The following DMD variants were observed in gnomAD, a reference collection of about 807,000 sequenced individuals.
The protein encoded by DMD is dystrophin, also known as mutant dystrophin.
DMD carries 63 observed loss-of-function variants against 330.1 expected under a neutral mutation model. The observed-to-expected ratio is 0.19, with a 90% CI of 0.16 to 0.24. The LOEUF (loss-of-function observed/expected upper bound fraction) is 0.24, where lower values mean the gene tolerates loss of function less well. Ranked by LOEUF, DMD falls within the 10% of genes least tolerant of loss-of-function variation. The pLI is 1.00. For synonymous variants in DMD, 1,223 were observed against 959.8 expected, an observed-to-expected ratio of 1.27 and a Z score of -5.07; for missense variants, 3,344 against 2,684.1, an observed-to-expected ratio of 1.25 and a Z score of -5.43.
At chrX:33,184,745 A>T in intron 1 of DMD, among the ~76,000 whole-genome samples, 1 of 76,324 alleles carries the variant, frequency 1.3e-5, no homozygotes, top group African/African-American at 5.5e-5. Context: ...TTTTTTTGAG[A>T]CAGAGTCTCG....
intron 43 of DMD, among the ~76,000 whole-genome samples, chrX:32,263,482 G>A (rs1467444355): frequency 8.9e-6 from 1 of 112,241 alleles, no homozygotes; most frequent in Non-Finnish European, 1.9e-5. Context: ...TTACTATCAA[G>A]AACTTGGCAA....
chrX:33,272,677 A>AAC (rs1053737774), intron 1 of DMD, among the ~76,000 whole-genome samples: 8 of 104,503 alleles, frequency 7.7e-5, no homozygotes, highest in African/African-American at 1.5e-4. Context: ...AAAAAAAAAA[A>AAC]ACACACACAC....
At chrX:32,623,820 C>A (rs1021827319) in intron 11 of DMD, among the ~76,000 whole-genome samples, 2 of 111,940 alleles carry the variant, frequency 1.8e-5, no homozygotes, top group Non-Finnish European at 3.8e-5. Flanking sequence ...AGCCACCGCA[C>A]CTAGCTACTG....
intron 52 of DMD, among the ~76,000 whole-genome samples, chrX:31,713,962 G>A (rs919193720): frequency 1.8e-5 from 2 of 111,481 alleles, no homozygotes; most frequent in Admixed American, 9.6e-5. Context: ...CACAGCCTCC[G>A]GGAAATGAAT....
rs59279553 is a variant in DMD at position 31,961,740 on chromosome X, G to GTTTTTTTTTT, written c.6614+6589_6614+6598dup. 2.2e-3 allele frequency among the ~76,000 whole-genome samples: 165 copies of GTTTTTTTTTT among 75,547 alleles called. 2 individuals are homozygous for GTTTTTTTTTT. The highest frequency in any genetic ancestry group is 6.8e-3 in the African/African-American group (127 of 18,672). 65.6% of individuals were successfully genotyped at this position (75,547 alleles called of 115,157 possible). A position where few individuals can be genotyped will look rare whatever the true frequency, so the allele number is the denominator to read the frequency against. ...AAAGAGAATTCAACCAAAGGAAGCGGTTTTTTTTTTTTTTTGTCTTGTTTT... is the reference window on the plus strand; with the variant it reads ...AAAGAGAATTCAACCAAAGGAAGCGGTTTTTTTTTTTTTTTTTTTTTTTTTGTCTTGTTTT... On this transcript the variant is annotated intron_variant, in intron 45 of 78. Transcript: ENST00000357033.
At chrX:32,368,314 G>GA (rs1475722057) in intron 34 of DMD, among the ~76,000 whole-genome samples, 3 of 109,880 alleles carry the variant, frequency 2.7e-5, no homozygotes, top group Non-Finnish European at 3.8e-5. Flanking sequence ...TATCATACTA[G>GA]AAAAAAATCA....
At chrX:32,052,225 T>A (rs1356302317) in intron 44 of DMD, among the ~76,000 whole-genome samples, 1 of 110,346 alleles carries the variant, frequency 9.1e-6, no homozygotes, top group African/African-American at 3.3e-5. Flanking sequence ...CACATAAAGA[T>A]ACACTCTTGC....
chrX:32,087,355 C>T (rs1377314441), intron 44 of DMD, among the ~76,000 whole-genome samples: 3 of 111,555 alleles, frequency 2.7e-5, no homozygotes, highest in Non-Finnish European at 5.7e-5. Flanking sequence ...GCTACATAAA[C>T]GTAGCAGAAA....
intron 2 of DMD, among the ~76,000 whole-genome samples, chrX:32,972,235 T>G (rs1209217797): frequency 9.0e-6 from 1 of 111,467 alleles, no homozygotes; most frequent in Non-Finnish European, 1.9e-5. Flanking sequence ...TGGAGTGCGA[T>G]GGTGCAATGA....
At chrX:32,798,702 T>A (rs750834761) in intron 7 of DMD, among the ~76,000 whole-genome samples, 1 of 111,927 alleles carries the variant, frequency 8.9e-6, no homozygotes, top group African/African-American at 3.2e-5. Context: ...GGATTTCTAG[T>A]TGAAATACCG....
intron 1 of DMD, among the ~76,000 whole-genome samples, chrX:33,120,165 G>T (rs750377502): frequency 4.0e-4 from 45 of 112,202 alleles, no homozygotes; most frequent in African/African-American, 1.4e-3. Flanking sequence ...CTGAGGCAAG[G>T]ATTTGAGGTG....
At chrX:33,079,114 T>C (rs975009975) in intron 1 of DMD, among the ~76,000 whole-genome samples, 4 of 111,566 alleles carry the variant, frequency 3.6e-5, no homozygotes, top group African/African-American at 1.3e-4. Flanking sequence ...CACCGCAACC[T>C]CCGCCTCCTA....
At chrX:31,251,088 CA>C (rs201186315) in intron 63 of DMD, among the ~76,000 whole-genome samples, 10 of 103,520 alleles carry the variant, frequency 9.7e-5, no homozygotes, top group East Asian at 3.0e-4. Flanking sequence ...CTCAAAAAAA[CA>C]AAAAAAAAAA....
intron 1 of DMD, among the ~76,000 whole-genome samples, chrX:33,323,873 T>C (rs981590048): frequency 1.4e-4 from 16 of 111,071 alleles, no homozygotes; most frequent in African/African-American, 4.9e-4. Flanking sequence ...CTTTATTCTT[T>C]AATGATTTGT....
At chrX:31,355,003 A>G (rs1163345451) in intron 60 of DMD, among the ~76,000 whole-genome samples, 8 of 112,029 alleles carry the variant, frequency 7.1e-5, no homozygotes, top group African/African-American at 1.9e-4. Context: ...TGTTTCCCAA[A>G]GCTCAGTCCA....
chrX:33,075,118 T>C (rs1458346319), intron 1 of DMD, among the ~76,000 whole-genome samples: 1 of 111,584 alleles, frequency 9.0e-6, no homozygotes, highest in African/African-American at 3.3e-5. Flanking sequence ...ACATCACTAT[T>C]GTAGAACTTA....
At chrX:32,730,790 G>C (rs988515095) in intron 7 of DMD, among the ~76,000 whole-genome samples, 1 of 111,888 alleles carries the variant, frequency 8.9e-6, no homozygotes, top group East Asian at 2.8e-4. Context: ...AAATATGAAA[G>C]AGATGGGAGA....
At chrX:31,409,943 C>T (rs941360425) in intron 60 of DMD, among the ~76,000 whole-genome samples, 10 of 111,282 alleles carry the variant, frequency 9.0e-5, no homozygotes, top group African/African-American at 2.9e-4. Flanking sequence ...CTCAGCCTCC[C>T]GAGTAGCTGG....
chrX:32,720,463 T>C (rs1018651035), intron 7 of DMD, among the ~76,000 whole-genome samples: 8 of 112,301 alleles, frequency 7.1e-5, no homozygotes, highest in Non-Finnish European at 1.1e-4. Context: ...GGAAATGTTA[T>C]TCGATTCACA....
Sources: gnomAD v4.1 joint callset for allele counts (sites outside exome capture counted in the v4.1 genomes callset) on GRCh38, gnomAD v4.1.1 for gene constraint, MANE v1.5 for transcripts, NCBI Gene and HGNC (gene_info 2026-07-23, HGNC 2026-07-21) for gene names.